The following ELL2 variants were observed in gnomAD, a reference collection of about 807,000 sequenced individuals.
ELL2 encodes the protein RNA polymerase II elongation factor ELL2.
Under a neutral mutation model 72.8 loss-of-function variants are expected in ELL2, and 21 were observed. The observed-to-expected ratio is 0.29, with a 90% CI of 0.20 to 0.42. The LOEUF (loss-of-function observed/expected upper bound fraction) is 0.42, where lower values mean the gene tolerates loss of function less well. ELL2 is among the 10% of genes least tolerant of loss of function. ELL2 has a pLI of 1.00. For synonymous variants in ELL2, 266 were observed against 283.2 expected (o/e 0.94, Z 0.61); for missense variants, 568 against 772.8 (o/e 0.73, Z 3.14).
rs41276263 is a variant in ELL2, at chr5:95,900,738, T to C, written c.909A>G (p.Ser303=). ...PSQNAAGTSR[S]ESPVCSSRDA... ...CTCTACTAGAACATACAGGAGATTCTGAACGGCTGGTGCCTGCAGCATTCT... is the reference window on the plus strand; with the variant it reads ...CTCTACTAGAACATACAGGAGATTCCGAACGGCTGGTGCCTGCAGCATTCT... The change falls in exon 7 of 12, where the codon TCA becomes TCG. Residue 303 remains serine (S), a synonymous_variant. Coordinates refer to ENST00000237853, the MANE Select transcript of ELL2 (RefSeq NM_012081.6). 11 of 1,609,848 alleles carry C rather than the reference T, an allele frequency of 6.8e-6. No homozygotes were observed. Among genetic ancestry groups the C allele is most frequent in the African/African-American group, 1.3e-5 (1 of 74,738 alleles).
chr5:95,935,997 C>A (rs1000737835), intron 2 of ELL2, among the ~76,000 whole-genome samples: 1 of 152,020 alleles, frequency 6.6e-6, no homozygotes, highest in African/African-American at 2.4e-5. Flanking sequence ...AGATTGTGAC[C>A]CATTGGAAGG....
At chr5:95,891,039 C>G in intron 10 of ELL2, 64 bp downstream of exon 10, 2 of 1,603,164 alleles carry the variant, frequency 1.2e-6, no homozygotes, top group Non-Finnish European at 1.7e-6. Context: ...TGAGGTTGAG[C>G]AGGGCAGGGA....
At chr5:95,956,321 C>G (rs1413246870) in intron 1 of ELL2, among the ~76,000 whole-genome samples, 1 of 152,146 alleles carries the variant, frequency 6.6e-6, no homozygotes, top group Non-Finnish European at 1.5e-5. Flanking sequence ...GGATGGGGCA[C>G]AAACTTGACT....
At chr5:95,910,234 G>A (rs1246954367) in intron 4 of ELL2, among the ~76,000 whole-genome samples, 2 of 151,784 alleles carry the variant, frequency 1.3e-5, no homozygotes, top group East Asian at 3.8e-4. Flanking sequence ...AAGGAGGTTT[G>A]TTCACAAAGA....
chr5:95,888,913 T>G lies in ELL2; in HGVS notation c.1881A>C (p.Leu627=). 6.2e-7 allele frequency: 1 copy of G among 1,611,096 alleles called. No homozygotes were observed. Among genetic ancestry groups the G allele is most frequent in the South Asian group, 1.1e-5 (1 of 90,856 alleles). ...LHNKLAHIKR[L]IGEFDQQQAE... The stretch of plus-strand genomic sequence containing the variant: ...CTTGCTGTTGGTCAAATTCACCTAT[T>G]AGCCTTTTGATGTGAGCCAGCTTGT... Residue 627 remains leucine, a synonymous_variant, in exon 12 of 12, where the codon CTA becomes CTC. Transcript: ENST00000237853.
intron 8 of ELL2, 124 bp from the exon 9 acceptor site, chr5:95,895,815 A>G (rs936599378): frequency 6.3e-6 from 5 of 793,130 alleles, no homozygotes; most frequent in Admixed American, 4.4e-5. Context: ...TTCCATCTCA[A>G]TAAGCAACAG....
At chr5:95,959,688 G>C (rs1222709078) in intron 1 of ELL2, among the ~76,000 whole-genome samples, 1 of 152,100 alleles carries the variant, frequency 6.6e-6, no homozygotes, top group Non-Finnish European at 1.5e-5. Context: ...TTTCTCTCGA[G>C]ATTTCACTGT....
intron 3 of ELL2, among the ~76,000 whole-genome samples, chr5:95,915,804 A>G (rs1181821982): frequency 2.0e-5 from 3 of 152,156 alleles, no homozygotes; most frequent in Admixed American, 6.5e-5. Context: ...AGGTTTTCAA[A>G]TTGTCCAAAG....
At chr5:95,934,823 GTT>G (rs1481921515) in intron 2 of ELL2, among the ~76,000 whole-genome samples, 7 of 151,990 alleles carry the variant, frequency 4.6e-5, no homozygotes, top group Admixed American at 4.6e-4. Context: ...TTTCTTTTAT[GTT>G]TCTCGAACAA....
chr5:95,903,208 CTTTTTTTTTTTT>C (rs35628427), intron 5 of ELL2, among the ~76,000 whole-genome samples: 613 of 56,222 alleles, frequency 0.011, 12 homozygotes, highest in African/African-American at 0.043. Flanking sequence ...CTCTTAGGAC[CTTTTTTTTTTTT>C]TTTTTTTTTT....
intron 2 of ELL2, among the ~76,000 whole-genome samples, chr5:95,937,181 T>G (rs570595194): frequency 6.6e-6 from 1 of 152,062 alleles, no homozygotes; most frequent in Non-Finnish European, 1.5e-5. Context: ...TGCTCATGCT[T>G]TGGGGGGCTT....
chr5:95,921,913 G>T (rs981353117), intron 2 of ELL2, among the ~76,000 whole-genome samples: 16 of 152,112 alleles, frequency 1.1e-4, no homozygotes, highest in Admixed American at 5.2e-4. Flanking sequence ...TTTTAAAGAG[G>T]TCTCATCTCC....
At chr5:95,919,082 T>C (rs1023431015) in intron 3 of ELL2, among the ~76,000 whole-genome samples, 2 of 152,154 alleles carry the variant, frequency 1.3e-5, no homozygotes, top group African/African-American at 4.8e-5. Flanking sequence ...AAATATGCTA[T>C]AAGATTCTTG....
chr5:95,923,329 A>T (rs1034340906), intron 2 of ELL2, among the ~76,000 whole-genome samples: 5 of 152,088 alleles, frequency 3.3e-5, no homozygotes, highest in Non-Finnish European at 7.4e-5. Context: ...TGCCACACAC[A>T]ATGATAAGAT....
chr5:95,917,565 G>C (rs1749862904), intron 3 of ELL2, among the ~76,000 whole-genome samples: 1 of 152,222 alleles, frequency 6.6e-6, no homozygotes. Flanking sequence ...AGGCTGTGAA[G>C]TGAAAGCCTG....
At chr5:95,911,782 G>A (rs1483854050) in intron 4 of ELL2, among the ~76,000 whole-genome samples, 1 of 152,214 alleles carries the variant, frequency 6.6e-6, no homozygotes, top group Admixed American at 6.5e-5. Flanking sequence ...AGGAGCTGGG[G>A]TTATTTGACC....
chr5:95,908,861 A>T (rs927155992), intron 4 of ELL2, among the ~76,000 whole-genome samples: 2 of 152,226 alleles, frequency 1.3e-5, no homozygotes, highest in African/African-American at 4.8e-5. Context: ...AACCAAGCTA[A>T]CAGTGAAGCC....
rs750380109 is a variant in ELL2, at chr5:95,898,692, T to A, written c.1073A>T (p.Lys358Ile). The A allele has an allele frequency of 2.5e-6, 4 of 1,612,818 alleles. No individual in the cohort carries two copies. The highest frequency in any genetic ancestry group is 3.4e-6 in the Non-Finnish European group (4 of 1,179,310). The change falls in exon 8 of 12, where the codon AAA becomes ATA. Residue 358 changes from lysine (K) to isoleucine (I), a missense_variant. By Grantham distance (102) the Lys-to-Ile change is moderately radical. This residue lies in a region of ELL2 where 511 missense variants were observed against 728.4 expected (regional missense o/e 0.70). Transcript: ENST00000237853. ...LNGHLNPTSEKSAAGLPLPPA... is the reference protein window; with the variant it reads ...LNGHLNPTSEISAAGLPLPPA... Reference sequence around the variant, plus strand: ...GGGCAGCGGGAGGCCTGCAGCAGATTTTTCACTGGTGGGATTCAAATGACC... The same window carrying A: ...GGGCAGCGGGAGGCCTGCAGCAGATATTTCACTGGTGGGATTCAAATGACC...
intron 2 of ELL2, among the ~76,000 whole-genome samples, chr5:95,921,936 A>C (rs1484321578): frequency 6.6e-6 from 1 of 152,204 alleles, no homozygotes; most frequent in Non-Finnish European, 1.5e-5. Flanking sequence ...ATGATATTTC[A>C]TCTTCCTATG....
Sources: allele counts gnomAD v4.1 joint callset (sites outside exome capture counted in the v4.1 genomes callset), GRCh38; gene constraint gnomAD v4.1.1; regional missense constraint gnomAD v4.1.1; transcripts MANE v1.5; gene names NCBI Gene and HGNC (gene_info 2026-07-23, HGNC 2026-07-21).